Variants in ERBB4 observed in about 807,000 individuals in gnomAD.
The protein encoded by ERBB4 is erb-b2 receptor tyrosine kinase 4.
In ERBB4, 42 loss-of-function variants were observed where a neutral mutation model predicts 158.0. That is an observed-to-expected ratio of 0.27 (90% confidence interval 0.21 to 0.34). The LOEUF is 0.34. Ranked by LOEUF, ERBB4 falls within the 10% of genes least tolerant of loss-of-function variation. The pLI is 1.00. For synonymous variants in ERBB4, 583 were observed against 558.7 expected, an observed-to-expected ratio of 1.04 and a Z score of -0.61; for missense variants, 1,333 against 1,624.1, an observed-to-expected ratio of 0.82 and a Z score of 3.08.
chr2:212,252,326 A>C (rs2084569669), intron 1 of ERBB4, among the ~76,000 whole-genome samples: 1 of 152,094 alleles, frequency 6.6e-6, no homozygotes, highest in African/African-American at 2.4e-5. Flanking sequence ...GAGATTAAGA[A>C]GAGCAGAAAG....
intron 1 of ERBB4, among the ~76,000 whole-genome samples, chr2:212,446,600 T>TATATATATAC: frequency 4.8e-5 from 1 of 20,808 alleles, no homozygotes; most frequent in Non-Finnish European, 8.7e-5. Flanking sequence ...TGTATATATA[T>TATATATATAC]ATATATATAT....
intron 2 of ERBB4, among the ~76,000 whole-genome samples, chr2:211,982,073 G>A (rs189951339): frequency 3.8e-4 from 58 of 151,904 alleles, no homozygotes; most frequent in African/African-American, 1.3e-3. Context: ...ATTTTAAAAT[G>A]CAGCAGCAAT....
chr2:211,826,993 A>C (rs2105958716), intron 3 of ERBB4, among the ~76,000 whole-genome samples: 1 of 152,106 alleles, frequency 6.6e-6, no homozygotes, highest in South Asian at 2.1e-4. Flanking sequence ...TTTTCAGTTA[A>C]GTTTGTGTTG....
At chr2:211,608,993 C>T (rs2069088592) in intron 19 of ERBB4, among the ~76,000 whole-genome samples, 1 of 152,132 alleles carries the variant, frequency 6.6e-6, no homozygotes, top group Non-Finnish European at 1.5e-5. Flanking sequence ...CTTGAGAGAA[C>T]CATTTTACTA....
intron 2 of ERBB4, among the ~76,000 whole-genome samples, chr2:212,041,580 T>A (rs551273392): frequency 6.6e-6 from 1 of 150,858 alleles, no homozygotes; most frequent in Non-Finnish European, 1.5e-5. Flanking sequence ...GCAATATGGA[T>A]CATATTACAT....
chr2:211,497,547 C>T (rs987670820), intron 20 of ERBB4, among the ~76,000 whole-genome samples: 5 of 152,056 alleles, frequency 3.3e-5, no homozygotes. Flanking sequence ...CTTACTTCAA[C>T]AGAGATGCCC....
intron 3 of ERBB4, among the ~76,000 whole-genome samples, chr2:211,811,562 C>A (rs530969491): frequency 2.0e-3 from 301 of 152,138 alleles, no homozygotes; most frequent in African/African-American, 7.0e-3. Context: ...TGTTGGCCTG[C>A]CTTGCTAGGT....
intron 20 of ERBB4, among the ~76,000 whole-genome samples, chr2:211,553,144 T>A (rs2067148141): frequency 6.6e-6 from 1 of 151,920 alleles, no homozygotes; most frequent in Admixed American, 6.6e-5. Flanking sequence ...AATTTTTGTA[T>A]TTTTAGTAGA....
chr2:212,124,995 G>T, intron 1 of ERBB4, 92 bp from the exon 2 acceptor site: 1 of 1,408,496 alleles, frequency 7.1e-7, no homozygotes, highest in Non-Finnish European at 1.0e-6. Flanking sequence ...TATTCCACAA[G>T]CCTATCCCAG....
At chr2:211,640,797 G>A (rs1049399507) in intron 16 of ERBB4, among the ~76,000 whole-genome samples, 5 of 152,072 alleles carry the variant, frequency 3.3e-5, no homozygotes, top group Non-Finnish European at 7.4e-5. Flanking sequence ...AAGTTTAAAA[G>A]GAGATATGGT....
chr2:211,651,288 T>G (rs560210774), intron 16 of ERBB4, among the ~76,000 whole-genome samples: 3 of 152,308 alleles, frequency 2.0e-5, no homozygotes, highest in Non-Finnish European at 4.4e-5. Context: ...TACATAGATG[T>G]GCCTTTATAT....
At position 211,768,138 on chromosome 2, in the gene ERBB4, G is replaced by A. The variant is rs568099600; in HGVS notation, c.557-17434C>T. Among the ~76,000 whole-genome samples, 44 of 152,284 alleles carry A rather than the reference G, an allele frequency of 2.9e-4. 1 individual carries two copies. Among genetic ancestry groups the A allele is most frequent in the South Asian group, 2.5e-3 (12 of 4,830 alleles). Reference sequence around the variant, plus strand: ...GTGCCATTCAAGTCCAAAATCCAGCGGGGCAGTCAACCATTAAAACTCTGT... The same window carrying A: ...GTGCCATTCAAGTCCAAAATCCAGCAGGGCAGTCAACCATTAAAACTCTGT... On this transcript the variant is annotated intron_variant, in intron 4 of 27. Coordinates refer to ENST00000342788, the MANE Select transcript of ERBB4 (RefSeq NM_005235.3).
intron 3 of ERBB4, among the ~76,000 whole-genome samples, chr2:211,933,794 C>T (rs908870534): frequency 2.0e-5 from 3 of 151,948 alleles, no homozygotes; most frequent in African/African-American, 7.2e-5. Context: ...CTCTTAATAT[C>T]GCATCTACGA....
At position 211,448,104 on chromosome 2, in the gene ERBB4, C is replaced by G. The variant is rs535606579; in HGVS notation, c.2488-17004G>C. ...TCTCCTGCTTCAGCCTCCCCAGTAG[C>G]TGCGATTACACATGCGTGCCACCAC... On this transcript the variant is annotated intron_variant, in intron 20 of 27. Coordinates refer to ENST00000342788, the MANE Select transcript of ERBB4 (RefSeq NM_005235.3). 2.6e-5 allele frequency among the ~76,000 whole-genome samples: 4 copies of G among 152,162 alleles called. No individual in the cohort carries two copies. In the East Asian group the frequency reaches 7.7e-4, roughly 29 times the overall value.
intron 1 of ERBB4, among the ~76,000 whole-genome samples, chr2:212,450,766 G>C (rs916275442): frequency 2.1e-5 from 3 of 143,172 alleles, no homozygotes; most frequent in Middle Eastern, 3.7e-3. Flanking sequence ...TGCCTAATAA[G>C]AATTTTGTCG....
rs76652963 is a variant in ERBB4, at chr2:212,324,481, T to G, written c.83-199578A>C. ...AGCTTAGGAGCAGCGGGTTTTTTGT[T>G]TTTGTTTTTTTTTCCTTTAGTTGAT... On this transcript the variant is annotated intron_variant, in intron 1 of 27. Coordinates refer to ENST00000342788, the MANE Select transcript of ERBB4 (RefSeq NM_005235.3). Among the ~76,000 whole-genome samples, 9 of 88,972 alleles carry G rather than the reference T, an allele frequency of 1.0e-4. 1 individual carries two copies. The highest frequency in any genetic ancestry group is 2.7e-4 in the Non-Finnish European group (9 of 33,070). The allele number at this position is 88,972 out of a possible 152,430, so 58.4% of individuals were successfully genotyped here.
At chr2:211,466,514 G>T (rs1178277717) in intron 20 of ERBB4, among the ~76,000 whole-genome samples, 2 of 152,014 alleles carry the variant, frequency 1.3e-5, no homozygotes, top group East Asian at 3.9e-4. Flanking sequence ...CTTTGGTACT[G>T]ACTTACATGT....
At chr2:211,952,568 T>C (rs1394990270) in intron 2 of ERBB4, among the ~76,000 whole-genome samples, 1 of 152,086 alleles carries the variant, frequency 6.6e-6, no homozygotes, top group African/African-American at 2.4e-5. Flanking sequence ...TTTAAACATA[T>C]GGACTTATCT....
chr2:212,471,394 A>G (rs1465652269), intron 1 of ERBB4, among the ~76,000 whole-genome samples: 1 of 152,038 alleles, frequency 6.6e-6, no homozygotes, highest in African/African-American at 2.4e-5. Flanking sequence ...ATCCATTAAT[A>G]CAGAAATACA....
Sources: allele counts gnomAD v4.1 joint callset (sites outside exome capture counted in the v4.1 genomes callset), GRCh38; gene constraint gnomAD v4.1.1; transcripts MANE v1.5; gene names NCBI Gene and HGNC (gene_info 2026-07-23, HGNC 2026-07-21).